The following COL21A1 variants were observed in gnomAD, a reference collection of about 807,000 sequenced individuals.
The protein encoded by COL21A1 is collagen type XXI alpha 1 chain.
COL21A1 carries 149 observed loss-of-function variants against 137.9 expected under a neutral mutation model. The ratio of observed to expected loss-of-function variants is 1.08; its 90% CI spans 0.95 to 1.24. COL21A1 has a LOEUF of 1.24. Ranked by LOEUF, COL21A1 falls within the 50% of genes most tolerant of loss-of-function variation. The pLI is 0.00. For missense variants in COL21A1, 1,167 were observed against 1,158.4 expected (o/e 1.01, Z -0.11); for synonymous variants, 456 against 391.5 (o/e 1.16, Z -1.95).
At chr6:56,132,019 C>T (rs1046460064) in intron 12 of COL21A1, among the ~76,000 whole-genome samples, 2 of 151,468 alleles carry the variant, frequency 1.3e-5, no homozygotes, top group Non-Finnish European at 2.9e-5. Flanking sequence ...GTCAATAGAT[C>T]TAATAACCTA....
chr6:56,361,606 G>A (rs889134227), intron 1 of COL21A1, among the ~76,000 whole-genome samples: 3 of 151,924 alleles, frequency 2.0e-5, no homozygotes, highest in African/African-American at 7.3e-5. Flanking sequence ...CTACAATTTT[G>A]GTTTTAAAAA....
intron 1 of COL21A1, among the ~76,000 whole-genome samples, chr6:56,333,296 C>T (rs1765270849): frequency 6.7e-6 from 1 of 150,350 alleles, no homozygotes; most frequent in African/African-American, 2.4e-5. Flanking sequence ...CTGTTCCCTC[C>T]CACCCTCCCC....
chr6:56,236,419 T>C lies in COL21A1; in HGVS notation c.-39+10968A>G, dbSNP rs141666193. ...TATTGGAAACTATGCTCAATATGTA[T>C]GCTATAGGGAGGGGTTAAGGCATCA... On this transcript the variant is annotated intron_variant, in intron 1 of 29. Transcript: ENST00000244728. Among the ~76,000 whole-genome samples, 13 of 152,110 alleles carry C rather than the reference T, an allele frequency of 8.5e-5. No individual in the cohort carries two copies. The East Asian group carries it at 2.5e-3, about 29-fold the overall frequency.
intron 16 of COL21A1, among the ~76,000 whole-genome samples, chr6:56,113,733 G>A (rs771386056): frequency 8.5e-5 from 13 of 152,202 alleles, no homozygotes; most frequent in African/African-American, 2.4e-4. Flanking sequence ...ACACTGCCAC[G>A]GGGAAGTAGA....
chr6:56,106,921 G>C, intron 16 of COL21A1, among the ~76,000 whole-genome samples: 1 of 151,892 alleles, frequency 6.6e-6, no homozygotes, highest in Admixed American at 6.6e-5. Context: ...TCAGTAGCTG[G>C]GACTACAGGC....
At chr6:56,059,692 A>G (rs1765624949) in intron 28 of COL21A1, among the ~76,000 whole-genome samples, 1 of 152,146 alleles carries the variant, frequency 6.6e-6, no homozygotes, top group Non-Finnish European at 1.5e-5. Context: ...AACAGTGCAG[A>G]AAGTTACCAA....
intron 1 of COL21A1, among the ~76,000 whole-genome samples, chr6:56,193,543 A>G (rs1449027095): frequency 6.6e-6 from 1 of 152,182 alleles, no homozygotes; most frequent in Non-Finnish European, 1.5e-5. Flanking sequence ...TGGCACAAGT[A>G]AACTTCCTGG....
At chr6:56,280,173 A>T (rs9382603) in intron 1 of COL21A1, among the ~76,000 whole-genome samples, 36,594 of 152,024 alleles carry the variant, frequency 0.24, 5,744 homozygotes, top group East Asian at 0.67. Flanking sequence ...CATACCAAGG[A>T]CTCATCTAGG....
intron 17 of COL21A1, among the ~76,000 whole-genome samples, chr6:56,098,757 C>A (rs1258870768): frequency 2.7e-4 from 35 of 129,466 alleles, no homozygotes; most frequent in African/African-American, 9.9e-4. Context: ...GCTCTGTCGC[C>A]CAGGCTGGAG....
chr6:56,176,672 G>A (rs893844823), intron 3 of COL21A1, among the ~76,000 whole-genome samples: 1 of 150,994 alleles, frequency 6.6e-6, no homozygotes, highest in African/African-American at 2.4e-5. Flanking sequence ...AGGAAGAGAA[G>A]GAGGGAGGGA....
intron 1 of COL21A1, among the ~76,000 whole-genome samples, chr6:56,392,209 T>C (rs2094031032): frequency 6.6e-6 from 1 of 152,090 alleles, no homozygotes; most frequent in African/African-American, 2.4e-5. Context: ...AATCAATCAA[T>C]GTGATATATC....
chr6:56,113,805 A>G (rs1582391358), intron 16 of COL21A1, among the ~76,000 whole-genome samples: 1 of 152,118 alleles, frequency 6.6e-6, no homozygotes, highest in Non-Finnish European at 1.5e-5. Context: ...GCATTTCTGG[A>G]CCTGCCTTGG....
intron 1 of COL21A1, among the ~76,000 whole-genome samples, chr6:56,320,910 A>G (rs1474146623): frequency 6.6e-6 from 1 of 152,142 alleles, no homozygotes; most frequent in African/African-American, 2.4e-5. Flanking sequence ...TATAAACTCC[A>G]TAAGAGTGAC....
At chr6:56,215,303 ATCT>A (rs1157810065) in intron 1 of COL21A1, among the ~76,000 whole-genome samples, 2 of 151,980 alleles carry the variant, frequency 1.3e-5, no homozygotes, top group Non-Finnish European at 2.9e-5. Flanking sequence ...TATCCCAAAT[ATCT>A]GCTTTTCAAA....
chr6:56,205,673 C>T (rs528110998), intron 1 of COL21A1, among the ~76,000 whole-genome samples: 3 of 152,212 alleles, frequency 2.0e-5, no homozygotes, highest in Non-Finnish European at 4.4e-5. Flanking sequence ...AACCCCAGGA[C>T]ACATAATCGT....
intron 3 of COL21A1, among the ~76,000 whole-genome samples, chr6:56,172,294 T>G (rs957049176): frequency 2.6e-5 from 4 of 152,096 alleles, no homozygotes; most frequent in Non-Finnish European, 5.9e-5. Context: ...AAGAGACTTG[T>G]TATGTACAAG....
chr6:56,281,698 ATT>A (rs1311577573), intron 1 of COL21A1, among the ~76,000 whole-genome samples: 3 of 152,096 alleles, frequency 2.0e-5, no homozygotes, highest in Admixed American at 2.0e-4. Context: ...ATGGCCTGTG[ATT>A]TGAGTGGTTG....
At chr6:56,178,499 T>C (rs1285077188) in intron 3 of COL21A1, among the ~76,000 whole-genome samples, 2 of 152,160 alleles carry the variant, frequency 1.3e-5, no homozygotes, top group Admixed American at 1.3e-4. Context: ...ATTAATGATA[T>C]AATTTGTTTC....
intron 9 of COL21A1, among the ~76,000 whole-genome samples, chr6:56,157,972 ACT>A (rs1775881508): frequency 1.3e-5 from 2 of 152,272 alleles, no homozygotes; most frequent in South Asian, 4.1e-4. Context: ...GCTCAGTCAC[ACT>A]CTATGGAACT....
Sources: allele counts gnomAD v4.1 joint callset (sites outside exome capture counted in the v4.1 genomes callset), GRCh38; gene constraint gnomAD v4.1.1; transcripts MANE v1.5; gene names NCBI Gene and HGNC (gene_info 2026-07-23, HGNC 2026-07-21).